The following EYS variants were observed in gnomAD, a reference collection of about 807,000 sequenced individuals.
EYS encodes the protein EGF-like photoreceptor maintenance factor.
A neutral mutation model predicts 282.1 loss-of-function variants in EYS; 250 were observed. That is an observed-to-expected ratio of 0.89 (90% CI 0.80 to 0.98). The LOEUF is 0.98. EYS is among the 50% of genes least tolerant of loss of function. The pLI is 0.00. For missense variants in EYS, 4,016 were observed against 3,709.0 expected (o/e 1.08, Z -2.15); for synonymous variants, 1,355 against 1,282.9 (o/e 1.06, Z -1.20).
intron 22 of EYS, among the ~76,000 whole-genome samples, chr6:64,764,929 G>A (rs1773275867): frequency 6.6e-6 from 1 of 152,118 alleles, no homozygotes; most frequent in African/African-American, 2.4e-5. Context: ...TAGAGATATG[G>A]TATCTCCATG....
At chr6:65,532,730 TC>T (rs1582423171) in intron 2 of EYS, among the ~76,000 whole-genome samples, 1 of 152,224 alleles carries the variant, frequency 6.6e-6, no homozygotes, top group East Asian at 1.9e-4. Flanking sequence ...TGCTTCCCTT[TC>T]CCACATTCCC....
At position 64,135,019 on chromosome 6, in the gene EYS, C is replaced by T. The variant is rs533628310; in HGVS notation, c.6425-53017G>A. ...ATAGAAGCATCTGCAAGACAATATG[C>T]GTATCCAGGAGTAGCCTTTGGAACC... On this transcript the variant is annotated intron_variant, in intron 31 of 42. Transcript: ENST00000503581. Among the ~76,000 whole-genome samples the T allele has an allele frequency of 3.3e-5, 5 of 152,180 alleles. No individual in the cohort carries two copies. The East Asian group carries it at 9.6e-4, about 29-fold the overall frequency.
At chr6:63,766,444 A>G (rs1336586418) in intron 40 of EYS, among the ~76,000 whole-genome samples, 1 of 152,074 alleles carries the variant, frequency 6.6e-6, no homozygotes, top group African/African-American at 2.4e-5. Flanking sequence ...ACACAAATGA[A>G]TAAATATAAT....
chr6:64,307,303 G>T (rs982440891), intron 29 of EYS, among the ~76,000 whole-genome samples: 1 of 152,092 alleles, frequency 6.6e-6, no homozygotes, highest in South Asian at 2.1e-4. Context: ...ATGCTGCAAT[G>T]AACATGGGCA....
At chr6:65,615,205 A>G (rs1766141990) in intron 2 of EYS, among the ~76,000 whole-genome samples, 1 of 152,052 alleles carries the variant, frequency 6.6e-6, no homozygotes. Context: ...TTACATCTAC[A>G]TTACTATTGA....
chr6:64,304,280 C>G (rs1471515264), intron 30 of EYS, among the ~76,000 whole-genome samples: 1 of 152,000 alleles, frequency 6.6e-6, no homozygotes, highest in Non-Finnish European at 1.5e-5. Flanking sequence ...TACAGATTAT[C>G]AAAATATATG....
chr6:64,475,550 CAAAAA>C (rs56710433), intron 26 of EYS, among the ~76,000 whole-genome samples: 1 of 43,870 alleles, frequency 2.3e-5, no homozygotes, highest in African/African-American at 1.0e-4. Context: ...GACTCCGTCT[CAAAAA>C]AAAAAAAAAA....
intron 12 of EYS, among the ~76,000 whole-genome samples, chr6:65,188,644 A>G (rs1041711693): frequency 1.3e-5 from 2 of 151,288 alleles, no homozygotes; most frequent in Admixed American, 6.6e-5. Context: ...TAAAATACAG[A>G]TATTATTCTG....
intron 29 of EYS, among the ~76,000 whole-genome samples, chr6:64,370,183 T>A (rs1772316734): frequency 6.6e-6 from 1 of 152,142 alleles, no homozygotes; most frequent in African/African-American, 2.4e-5. Flanking sequence ...CTCTTATTAT[T>A]TTGAAGTATT....
At chr6:64,414,462 A>G (rs1280179283) in intron 28 of EYS, among the ~76,000 whole-genome samples, 2 of 152,162 alleles carry the variant, frequency 1.3e-5, no homozygotes, top group Non-Finnish European at 2.9e-5. Context: ...AGCATCTTAT[A>G]TCAGACAAAT....
At chr6:64,463,538 A>G (rs912845406) in intron 26 of EYS, among the ~76,000 whole-genome samples, 2 of 152,210 alleles carry the variant, frequency 1.3e-5, no homozygotes, top group African/African-American at 4.8e-5. Context: ...TGTAAAGCCA[A>G]TGGGAGACTT....
chr6:64,976,295 A>C (rs1285342132), intron 14 of EYS, among the ~76,000 whole-genome samples: 1 of 151,994 alleles, frequency 6.6e-6, no homozygotes, highest in African/African-American at 2.4e-5. Context: ...AAATATTCAA[A>C]GTGCCATGCC....
chr6:65,198,121 C>T (rs1393284433), intron 12 of EYS, among the ~76,000 whole-genome samples: 3 of 151,794 alleles, frequency 2.0e-5, no homozygotes, highest in South Asian at 4.2e-4. Context: ...CTTTTTAGTA[C>T]GTTTTGTTGA....
chr6:63,992,359 A>G (rs1237203197), intron 34 of EYS, among the ~76,000 whole-genome samples: 1 of 151,774 alleles, frequency 6.6e-6, no homozygotes, highest in Non-Finnish European at 1.5e-5. Context: ...GTACATGTGC[A>G]GGTTTGTTAC....
In EYS at chr6:63,744,100, T is replaced by C. The variant is rs1352994589; in HGVS notation, c.8072-17420A>G. The C allele has an allele frequency of 2.0e-5, 3 of 152,254 alleles. No homozygotes were observed. The East Asian group carries it at 5.8e-4, about 29-fold the overall frequency. The allele number at this position is 152,254 out of a possible 1,614,324, so 9.4% of individuals were successfully genotyped here. A position where few individuals can be genotyped will look rare whatever the true frequency, so the allele number is the denominator to read the frequency against. On this transcript the variant is annotated intron_variant, in intron 41 of 42. Coordinates refer to ENST00000503581, the MANE Select transcript of EYS (RefSeq NM_001142800.2). Reference sequence around the variant, plus strand: ...ATAATGAACTATAAAAATACTTGGATTATGAATATATTTTAGTGGCTTCTC... The same window carrying C: ...ATAATGAACTATAAAAATACTTGGACTATGAATATATTTTAGTGGCTTCTC...
At position 64,439,273 on chromosome 6, in the gene EYS, G is replaced by T; in HGVS notation, c.5724C>A (p.Ser1908=). The change falls in exon 27 of 43, where the codon TCC becomes TCA. Residue 1908 remains serine (S), a synonymous_variant. Coordinates refer to ENST00000503581, the MANE Select transcript of EYS (RefSeq NM_001142800.2). The part of the protein sequence containing the change: ...NVALNPQNNI[S]LEFQTFSSYG... Reference sequence around the variant, plus strand: ...AGGAGCTGAAGGTCTGAAATTCTAGGGAGATGTTATTTTGTGGATTTAAAG... The same window carrying T: ...AGGAGCTGAAGGTCTGAAATTCTAGTGAGATGTTATTTTGTGGATTTAAAG... The T allele has an allele frequency of 6.6e-7, 1 of 1,517,802 alleles. No individual in the cohort carries two copies. Among genetic ancestry groups the T allele is most frequent in the Non-Finnish European group, 8.8e-7 (1 of 1,132,600 alleles). The allele number at this position is 1,517,802 out of a possible 1,614,324, so 94.0% of individuals were successfully genotyped here.
chr6:64,751,252 C>T (rs994658581), intron 22 of EYS, among the ~76,000 whole-genome samples: 1 of 152,206 alleles, frequency 6.6e-6, no homozygotes, highest in African/African-American at 2.4e-5. Flanking sequence ...AGCTGCCCCA[C>T]CCCTCCCACG....
intron 22 of EYS, among the ~76,000 whole-genome samples, chr6:64,787,461 T>C (rs1029112438): frequency 1.3e-5 from 2 of 151,938 alleles, no homozygotes; most frequent in African/African-American, 4.8e-5. Context: ...TTTGTTTTTT[T>C]TTCTCTATGT....
chr6:65,699,188 T>C (rs1769566493), intron 1 of EYS, among the ~76,000 whole-genome samples: 1 of 152,230 alleles, frequency 6.6e-6, no homozygotes, highest in South Asian at 2.1e-4. Context: ...ATCACGTCTA[T>C]ATTTCTGTTT....
Sources: allele counts gnomAD v4.1 joint callset (sites outside exome capture counted in the v4.1 genomes callset), GRCh38; gene constraint gnomAD v4.1.1; transcripts MANE v1.5; gene names NCBI Gene and HGNC (gene_info 2026-07-23, HGNC 2026-07-21).